Variants in ADD2 observed in about 807,000 individuals in gnomAD.
The protein encoded by ADD2 is beta-adducin.
Under a neutral mutation model 83.0 loss-of-function variants are expected in ADD2, and 23 were observed. That is an observed-to-expected ratio of 0.28 (90% confidence interval 0.20 to 0.39). The LOEUF is 0.39. Ranked by LOEUF, ADD2 falls within the 10% of genes least tolerant of loss-of-function variation. The pLI, the probability that ADD2 is intolerant of heterozygous loss-of-function variation, is 1.00. For missense variants in ADD2, 758 were observed against 944.9 expected, an observed-to-expected ratio of 0.80 and a Z score of 2.59; for synonymous variants, 375 against 375.4, an observed-to-expected ratio of 1.00 and a Z score of 0.01.
intron 15 of ADD2, 83 bp from the exon 16 acceptor site, chr2:70,663,818 G>A: frequency 2.1e-6 from 3 of 1,409,146 alleles, no homozygotes; most frequent in South Asian, 2.7e-5. Context: ...CCATTTCTAG[G>A]GAATTCTATA....
At chr2:70,691,851 C>A in intron 7 of ADD2, 1 of 152,438 alleles carries the variant, frequency 6.6e-6, no homozygotes, top group Non-Finnish European at 1.5e-5. Context: ...GGGTAGGGTT[C>A]GGGGGGAGTA....
At chr2:70,735,222 GA>G (rs1288991688) in intron 1 of ADD2, among the ~76,000 whole-genome samples, 2 of 151,392 alleles carry the variant, frequency 1.3e-5, no homozygotes, top group Admixed American at 6.6e-5. Context: ...AAAAGAAGGG[GA>G]AAAAAAAGAG....
At chr2:70,677,634 T>C in intron 12 of ADD2, 124 bp downstream of exon 12, 1 of 1,292,438 alleles carries the variant, frequency 7.7e-7, no homozygotes, top group Non-Finnish European at 1.1e-6. Flanking sequence ...GTAGTTTCTC[T>C]CTCCTGTGAG....
intron 1 of ADD2, among the ~76,000 whole-genome samples, chr2:70,758,700 T>A (rs1366956725): frequency 6.6e-6 from 1 of 152,140 alleles, no homozygotes; most frequent in African/African-American, 2.4e-5. Flanking sequence ...CTTGGGAGGT[T>A]GAGATGGGAG....
At chr2:70,677,609 C>T in intron 12 of ADD2, 149 bp downstream of exon 12, 1 of 1,046,636 alleles carries the variant, frequency 9.6e-7, no homozygotes, top group East Asian at 2.5e-5. Context: ...GCACCTGGGC[C>T]ATGGTCAGTC....
chr2:70,734,346 C>T (rs1365912793), intron 1 of ADD2, among the ~76,000 whole-genome samples: 1 of 151,994 alleles, frequency 6.6e-6, no homozygotes, highest in South Asian at 2.1e-4. Context: ...AAAACATCTA[C>T]CCCCACCCCT....
At chr2:70,761,129 A>G (rs1470975441) in intron 1 of ADD2, among the ~76,000 whole-genome samples, 2 of 152,176 alleles carry the variant, frequency 1.3e-5, no homozygotes, top group Non-Finnish European at 2.9e-5. Context: ...TGGACTGAGT[A>G]TTGTAACCTA....
chr2:70,691,807 C>G (rs1671050557), intron 7 of ADD2: 1 of 152,192 alleles, frequency 6.6e-6, no homozygotes, highest in African/African-American at 2.4e-5. Context: ...CTACTCTGTC[C>G]CTGTACATGT....
At chr2:70,713,701 G>A (rs111971811) in intron 1 of ADD2, among the ~76,000 whole-genome samples, 1 of 152,268 alleles carries the variant, frequency 6.6e-6, no homozygotes, top group African/African-American at 2.4e-5. Flanking sequence ...TCTTTGCTGA[G>A]TGCTGGCTGG....
chr2:70,670,642 T>C (rs1383499063), intron 15 of ADD2, among the ~76,000 whole-genome samples: 2 of 152,086 alleles, frequency 1.3e-5, no homozygotes, highest in African/African-American at 4.8e-5. Context: ...CATAAGAGAA[T>C]TGAGGACATG....
chr2:70,704,269 C>T (rs1671771344), intron 4 of ADD2, 52 bp downstream of exon 4: 1 of 1,187,734 alleles, frequency 8.4e-7, no homozygotes. Context: ...CTCTTCCCCA[C>T]CCCACCCTCC....
chr2:70,696,513 G>A, intron 4 of ADD2, 117 bp from the exon 5 acceptor site: 1 of 1,380,372 alleles, frequency 7.2e-7, no homozygotes. Flanking sequence ...TCCCCAGGCA[G>A]GGAATTAAAC....
chr2:70,699,192 C>T (rs1354001526), intron 4 of ADD2, among the ~76,000 whole-genome samples: 2 of 151,882 alleles, frequency 1.3e-5, no homozygotes, highest in Admixed American at 6.6e-5. Flanking sequence ...CCAGAGAGCC[C>T]GGCTATAGAT....
chr2:70,708,333 C>T (rs1019692414), intron 2 of ADD2, among the ~76,000 whole-genome samples: 1 of 152,176 alleles, frequency 6.6e-6, no homozygotes, highest in African/African-American at 2.4e-5. Context: ...GGTTCTCAAC[C>T]TTGGGTGCAC....
intron 1 of ADD2, chr2:70,767,524 G>A: frequency 1.8e-6 from 1 of 557,782 alleles, no homozygotes; most frequent in Non-Finnish European, 2.4e-6. Flanking sequence ...GGGGAGGGAG[G>A]GGAGGGGAGG....
chr2:70,670,496 G>T (rs1574217398), intron 15 of ADD2, among the ~76,000 whole-genome samples: 2 of 152,176 alleles, frequency 1.3e-5, no homozygotes, highest in South Asian at 4.1e-4. Flanking sequence ...CTGGGACAAG[G>T]GTCTGACAGG....
intron 1 of ADD2, among the ~76,000 whole-genome samples, chr2:70,740,476 C>T (rs538996601): frequency 6.6e-6 from 1 of 152,264 alleles, no homozygotes; most frequent in South Asian, 2.1e-4. Flanking sequence ...GCAAAAATTA[C>T]ATTATAGTAA....
rs1553372512 is a variant in ADD2 at position 70,695,814 on chromosome 2, C to G, written c.475-13G>C. The G allele has an allele frequency of 1.9e-6, 3 of 1,612,502 alleles. No individual in the cohort carries two copies. The South Asian group carries it at 3.3e-5, about 18-fold the overall frequency. The stretch of plus-strand genomic sequence containing the variant: ...TGCTGACTCTCAACTGGAGGAAAGA[C>G]ACAAGTTCTCAGGGGCAAGGAGGGA... On this transcript the variant is annotated splice_polypyrimidine_tract_variant and intron_variant, in intron 5 of 15. Coordinates refer to ENST00000264436, the MANE Select transcript of ADD2 (RefSeq NM_001617.4).
chr2:70,698,051 T>C (rs1671398429), intron 4 of ADD2, among the ~76,000 whole-genome samples: 1 of 152,212 alleles, frequency 6.6e-6, no homozygotes, highest in African/African-American at 2.4e-5. Flanking sequence ...CCTCCTCCCC[T>C]CTGTGGGTTC....
Sources: gnomAD v4.1 joint callset for allele counts (sites outside exome capture counted in the v4.1 genomes callset) on GRCh38, gnomAD v4.1.1 for gene constraint, MANE v1.5 for transcripts, NCBI Gene and HGNC (gene_info 2026-07-23, HGNC 2026-07-21) for gene names.